Variants in RANBP2 observed in about 807,000 individuals in gnomAD.
RANBP2 encodes the protein RAN binding protein 2, also known as E3 SUMO-protein ligase RanBP2.
A neutral mutation model predicts 303.6 loss-of-function variants in RANBP2; 57 were observed. The observed-to-expected ratio is 0.19, with a 90% CI of 0.15 to 0.23. The LOEUF is 0.23. RANBP2 is among the 10% of genes least tolerant of loss of function. RANBP2 has a pLI of 1.00. For synonymous variants in RANBP2, 1,167 were observed against 1,301.5 expected (o/e 0.90, Z 2.23); for missense variants, 3,138 against 3,780.8 (o/e 0.83, Z 4.46).
chr2:109,287,020 C>T, the RANBP2 span, among the ~76,000 whole-genome samples: 14 of 152,182 alleles, frequency 9.2e-5, no homozygotes, highest in Non-Finnish European at 1.6e-4. Flanking sequence ...GTGCTCAGCT[C>T]TGCACTGCTC....
chr2:109,666,999 T>TA, the RANBP2 span: 2 of 436,676 alleles, frequency 4.6e-6, no homozygotes, highest in Admixed American at 8.5e-5. Flanking sequence ...TGAGTCCTGA[T>TA]TTCTGAGAGT....
chr2:108,733,236 G>T (rs1169049171), intron 4 of RANBP2, among the ~76,000 whole-genome samples: 1 of 146,088 alleles, frequency 6.8e-6, no homozygotes, highest in Non-Finnish European at 1.5e-5. Flanking sequence ...AGTATTTCAT[G>T]GTCCACAATT....
chr2:108,862,865 T>C, the RANBP2 span, among the ~76,000 whole-genome samples: 5 of 152,188 alleles, frequency 3.3e-5, no homozygotes, highest in Non-Finnish European at 7.4e-5. Context: ...TATGTTTATC[T>C]GTTTAAAATG....
chr2:109,602,106 C>T, the RANBP2 span, among the ~76,000 whole-genome samples: 2 of 152,136 alleles, frequency 1.3e-5, no homozygotes, highest in South Asian at 2.1e-4. Flanking sequence ...GTTCCAACAG[C>T]GGCACAGTAA....
chr2:109,022,664 G>A, the RANBP2 span, among the ~76,000 whole-genome samples: 1 of 152,084 alleles, frequency 6.6e-6, no homozygotes, highest in Non-Finnish European at 1.5e-5. Context: ...CATGCTATTC[G>A]GGTGATGGTC....
intron 7 of RANBP2, among the ~76,000 whole-genome samples, chr2:108,741,478 A>G (rs1305397333): frequency 1.2e-4 from 16 of 131,866 alleles, no homozygotes; most frequent in Middle Eastern, 5.8e-3. Flanking sequence ...TTACAGGCGC[A>G]AGCCACTGCG....
chr2:109,574,274 A>G, the RANBP2 span, among the ~76,000 whole-genome samples: 2 of 150,772 alleles, frequency 1.3e-5, no homozygotes, highest in Non-Finnish European at 1.5e-5. Context: ...ATCCAACTCC[A>G]CAAAAAAAAA....
chr2:109,149,525 C>T, the RANBP2 span, among the ~76,000 whole-genome samples: 2 of 152,146 alleles, frequency 1.3e-5, no homozygotes, highest in Admixed American at 6.5e-5. Context: ...CATGAGGACC[C>T]AAGGGGAATT....
At chr2:109,697,483 CT>C in the RANBP2 span, among the ~76,000 whole-genome samples, 1 of 124,226 alleles carries the variant, frequency 8.0e-6, no homozygotes, top group Non-Finnish European at 1.8e-5. Flanking sequence ...AAAACTCTGT[CT>C]TAAAAAAAAA....
the RANBP2 span, among the ~76,000 whole-genome samples, chr2:109,581,843 A>T: frequency 1.3e-5 from 2 of 152,244 alleles, no homozygotes; most frequent in Non-Finnish European, 2.9e-5. Context: ...GGCAAGAGAC[A>T]GAAATAAAAG....
At chr2:109,017,215 A>G in the RANBP2 span, among the ~76,000 whole-genome samples, 5 of 152,234 alleles carry the variant, frequency 3.3e-5, no homozygotes, top group African/African-American at 9.6e-5. Flanking sequence ...GCCACAAACA[A>G]CTGGTCAGAG....
chr2:109,252,033 G>A, the RANBP2 span, among the ~76,000 whole-genome samples: 1 of 152,128 alleles, frequency 6.6e-6, no homozygotes. Context: ...GATCACTTGA[G>A]CTAAGGAGTT....
chr2:109,235,746 C>G, the RANBP2 span, among the ~76,000 whole-genome samples: 1 of 152,352 alleles, frequency 6.6e-6, no homozygotes, highest in East Asian at 1.9e-4. Flanking sequence ...GCTCTGATGA[C>G]AACACTTGTT....
At chr2:109,614,861 G>A in the RANBP2 span, 1 of 1,399,622 alleles carries the variant, frequency 7.1e-7, no homozygotes, top group Non-Finnish European at 9.2e-7. Context: ...CGGCGGCCCC[G>A]GAGTCGCTCC....
At chr2:109,028,227 T>C in the RANBP2 span, among the ~76,000 whole-genome samples, 4 of 152,180 alleles carry the variant, frequency 2.6e-5, no homozygotes, top group Non-Finnish European at 5.9e-5. Context: ...GCCATGATCA[T>C]GCCACTGCAC....
chr2:109,223,482 C>T, the RANBP2 span, among the ~76,000 whole-genome samples: 4 of 152,226 alleles, frequency 2.6e-5, no homozygotes, highest in East Asian at 3.9e-4. Context: ...CATGGCCTGC[C>T]CATGTCAGTC....
At chr2:109,204,869 C>T in the RANBP2 span, among the ~76,000 whole-genome samples, 1 of 152,124 alleles carries the variant, frequency 6.6e-6, no homozygotes, top group South Asian at 2.1e-4. Flanking sequence ...AAACTAAAGG[C>T]TTTTTTGTGT....
the RANBP2 span, among the ~76,000 whole-genome samples, chr2:109,394,126 T>C: frequency 6.6e-6 from 1 of 152,198 alleles, no homozygotes; most frequent in Non-Finnish European, 1.5e-5. Context: ...TAGAACTGTT[T>C]AAAGGATGGA....
the RANBP2 span, among the ~76,000 whole-genome samples, chr2:109,113,853 G>A: frequency 6.6e-6 from 1 of 152,308 alleles, no homozygotes; most frequent in African/African-American, 2.4e-5. Context: ...AAGAGTTGTT[G>A]AATTTTGTCA....
Sources: gnomAD v4.1 joint callset for allele counts (sites outside exome capture counted in the v4.1 genomes callset) on GRCh38, gnomAD v4.1.1 for gene constraint, MANE v1.5 for transcripts, NCBI Gene and HGNC (gene_info 2026-07-23, HGNC 2026-07-21) for gene names.